RASA3: variants seen among roughly 807,000 people sequenced by gnomAD.
The protein encoded by RASA3 is RAS p21 protein activator 3, also known as ras GTPase-activating protein 3.
RASA3 carries 73 observed loss-of-function variants against 110.0 expected under a neutral mutation model. The observed-to-expected ratio is 0.66, with a 90% confidence interval of 0.55 to 0.81. The LOEUF is 0.81. Among genes scored for constraint, RASA3 ranks in the 30% least tolerant of loss-of-function variants. The pLI is 0.00. For synonymous variants in RASA3, 500 were observed against 451.4 expected, an observed-to-expected ratio of 1.11 and a Z score of -1.37; for missense variants, 976 against 1,113.2, an observed-to-expected ratio of 0.88 and a Z score of 1.75.
intron 1 of RASA3, among the ~76,000 whole-genome samples, chr13:114,076,537 G>C (rs1375856680): frequency 6.6e-6 from 1 of 151,616 alleles, no homozygotes; most frequent in Non-Finnish European, 1.5e-5. Flanking sequence ...CACGCACGCA[G>C]GCAGCACCGC....
intron 9 of RASA3, 38 bp from the exon 10 acceptor site, chr13:114,018,957 T>C (rs1351164589): frequency 1.2e-6 from 2 of 1,611,158 alleles, no homozygotes; most frequent in Non-Finnish European, 1.7e-6. Flanking sequence ...GGCATGAGGC[T>C]GCATCTGCCA....
At chr13:114,038,586 T>C (rs2054327332) in intron 4 of RASA3, among the ~76,000 whole-genome samples, 1 of 152,224 alleles carries the variant, frequency 6.6e-6, no homozygotes, top group Non-Finnish European at 1.5e-5. Context: ...ACAGCTGGGC[T>C]CATGGTCAAC....
intron 7 of RASA3, among the ~76,000 whole-genome samples, chr13:114,024,937 C>T (rs955612831): frequency 2.6e-5 from 4 of 152,214 alleles, no homozygotes; most frequent in Non-Finnish European, 4.4e-5. Flanking sequence ...GGAGTGAAGG[C>T]GTGAAGGGTC....
chr13:114,080,666 G>GCTGAAACGGGGGTCTCCCCCAGGGGCCA (rs71105237), intron 1 of RASA3, among the ~76,000 whole-genome samples: 1 of 135,232 alleles, frequency 7.4e-6, no homozygotes, highest in African/African-American at 2.7e-5. Flanking sequence ...CCCGACAACG[G>GCTGAAACGGGGGTCTCCCCCAGGGGCCA]CTGAAACAGG....
intron 7 of RASA3, among the ~76,000 whole-genome samples, chr13:114,025,319 T>G (rs1436383611): frequency 2.0e-5 from 3 of 152,172 alleles, no homozygotes; most frequent in Admixed American, 6.5e-5. Flanking sequence ...TGCTGACGCC[T>G]CCTCCTTCCT....
Position 114,018,882 on chromosome 13 carries a change from G to C in RASA3, c.823C>G (p.Leu275Val). The C allele has an allele frequency of 6.2e-7, 1 of 1,613,926 alleles. No individual in the cohort carries two copies. Among genetic ancestry groups the C allele is most frequent in the Non-Finnish European group, 8.5e-7 (1 of 1,179,982 alleles). The change falls in exon 10 of 24, where the codon CTA (leucine) becomes GTA (valine). Residue 275 changes from leucine (L) to valine (V), a missense_variant. By Grantham distance (32) the Leu-to-Val change is conservative. Coordinates refer to ENST00000334062, the MANE Select transcript of RASA3 (RefSeq NM_007368.4). ...LQPRDNGSKS[L>V]KPDDLGSLRL... ...AGGGAGCCCAGGTCGTCTGGCTTTA[G>C]GCTCTTGCTACCATTGTCCCGGGGC...
chr13:114,108,448 C>T lies in RASA3; in HGVS notation c.55+23987G>A, dbSNP rs1362518635. The stretch of plus-strand genomic sequence containing the variant: ...CCATCATCCCCCATCCATCACCCCC[C>T]GTCCGTCATCCTCCGTCCATCACCC... On this transcript the variant is annotated intron_variant, in intron 1 of 23. Transcript: ENST00000334062. Among the ~76,000 whole-genome samples the T allele has an allele frequency of 7.3e-5, 9 of 123,520 alleles. 1 individual carries two copies. The highest frequency in any genetic ancestry group is 3.2e-5 in the African/African-American group (1 of 31,710). 81.0% of individuals were successfully genotyped at this position (123,520 alleles called of 152,430 possible). A position where few individuals can be genotyped will look rare whatever the true frequency, so the allele number is the denominator to read the frequency against.
intron 23 of RASA3, among the ~76,000 whole-genome samples, chr13:113,981,329 G>A (rs1030355187): frequency 3.3e-5 from 5 of 152,350 alleles, no homozygotes; most frequent in Non-Finnish European, 4.4e-5. Context: ...GCCAGAGGGT[G>A]TGCCACTGAA....
At chr13:114,102,996 C>T (rs933014484) in intron 1 of RASA3, among the ~76,000 whole-genome samples, 2 of 152,200 alleles carry the variant, frequency 1.3e-5, no homozygotes, top group African/African-American at 2.4e-5. Context: ...TGCTCGCTCA[C>T]CCCTAAGAGT....
intron 1 of RASA3, among the ~76,000 whole-genome samples, chr13:114,104,417 C>T (rs1167375357): frequency 2.0e-5 from 3 of 152,182 alleles, no homozygotes; most frequent in Non-Finnish European, 4.4e-5. Flanking sequence ...GATGCCACCA[C>T]ACCCTGGCCA....
chr13:113,981,968 A>C, intron 22 of RASA3, 110 bp from the exon 23 acceptor site: 1 of 973,916 alleles, frequency 1.0e-6, no homozygotes, highest in Non-Finnish European at 1.5e-6. Flanking sequence ...CTTCCAACGC[A>C]AGCTCCTCCA....
rs1430106383 is a variant in RASA3 at position 114,018,822 on chromosome 13, A to G, written c.883T>C (p.Phe295Leu). The change falls in exon 10 of 24, where the codon TTT becomes CTT. Residue 295 changes from phenylalanine to leucine, a missense_variant. This residue lies in a region of RASA3 where 732 missense variants were observed against 779.7 expected (regional missense o/e 0.94). Transcript: ENST00000334062. ...LNVVYTEDHVFSSDYYSPLRD... is the reference protein window; with the variant it reads ...LNVVYTEDHVLSSDYYSPLRD... Reference sequence around the variant, plus strand: ...AGAGGGCTGTAATAGTCAGAAGAAAACACGTGGTCTTCCGTGTATACCACG... The same window carrying G: ...AGAGGGCTGTAATAGTCAGAAGAAAGCACGTGGTCTTCCGTGTATACCACG... The G allele has an allele frequency of 6.2e-7, 1 of 1,613,792 alleles. No individual in the cohort carries two copies. The highest frequency in any genetic ancestry group is 2.2e-5 in the East Asian group (1 of 44,890).
At chr13:114,089,344 G>A (rs1419786995) in intron 1 of RASA3, among the ~76,000 whole-genome samples, 2 of 151,110 alleles carry the variant, frequency 1.3e-5, no homozygotes. Context: ...TGCAGAGAAT[G>A]AAGGTGAGGA....
intron 1 of RASA3, among the ~76,000 whole-genome samples, chr13:114,076,682 G>GA (rs2079689861): frequency 6.6e-6 from 1 of 152,182 alleles, no homozygotes. Flanking sequence ...GAGCCTGGGG[G>GA]ATGGCAGTTG....
chr13:114,025,127 C>T (rs111678342), intron 7 of RASA3, among the ~76,000 whole-genome samples: 1 of 152,198 alleles, frequency 6.6e-6, no homozygotes, highest in South Asian at 2.1e-4. Flanking sequence ...TCCCTCCCTG[C>T]CCCCCCTTCT....
intron 2 of RASA3, among the ~76,000 whole-genome samples, chr13:114,070,866 C>T (rs1278307625): frequency 2.7e-4 from 38 of 139,248 alleles, no homozygotes; most frequent in African/African-American, 9.9e-4. Context: ...CAGTTTTACA[C>T]GTGGGCAGGG....
intron 5 of RASA3, among the ~76,000 whole-genome samples, chr13:114,029,081 A>G (rs74402064): frequency 8.8e-5 from 1 of 11,384 alleles, no homozygotes; most frequent in East Asian, 3.6e-3. Context: ...CTAAAACGGC[A>G]TCATCCTGGG....
At chr13:114,005,866 C>T (rs376422458) in intron 18 of RASA3, among the ~76,000 whole-genome samples, 7 of 73,080 alleles carry the variant, frequency 9.6e-5, no homozygotes, top group East Asian at 5.2e-4. Flanking sequence ...CCTGCCCTGC[C>T]GGACACCACC....
Position 114,016,252 on chromosome 13 carries a change from G to T in RASA3, c.1226C>A (p.Pro409His), listed in dbSNP as rs759547229. The change falls in exon 13 of 24, where the codon CCC becomes CAC. Residue 409 changes from proline (P) to histidine (H), a missense_variant. Pro to His is a moderately conservative substitution (Grantham distance 77). This residue lies in a region of RASA3 where 732 missense variants were observed against 779.7 expected (regional missense o/e 0.94). Coordinates refer to ENST00000334062, the MANE Select transcript of RASA3 (RefSeq NM_007368.4). The stretch of plus-strand genomic sequence containing the variant: ...CAACTTCACAGGGTCGATTTCACAG[G>T]GTTTGTGGCTCTGGCATATCTGGGG... ...AIEEICQSHK[P>H]CEIDPVKLKD... is the part of the protein sequence containing the mutation. The T allele has an allele frequency of 1.3e-6, 2 of 1,598,148 alleles. No homozygotes were observed. Among genetic ancestry groups the T allele is most frequent in the Non-Finnish European group, 1.7e-6 (2 of 1,165,716 alleles).
Sources: allele counts gnomAD v4.1 joint callset (sites outside exome capture counted in the v4.1 genomes callset), GRCh38; gene constraint gnomAD v4.1.1; regional missense constraint gnomAD v4.1.1; transcripts MANE v1.5; gene names NCBI Gene and HGNC (gene_info 2026-07-23, HGNC 2026-07-21).